Variants in TBC1D5 observed in about 807,000 individuals in gnomAD.
The protein encoded by TBC1D5 is TBC1 domain family, member 5.
TBC1D5 carries 75 observed loss-of-function variants against 100.3 expected under a neutral mutation model. That is an observed-to-expected ratio of 0.75 (90% CI 0.62 to 0.91). The LOEUF is 0.91. Ranked by LOEUF, TBC1D5 falls within the 40% of genes least tolerant of loss-of-function variation. The pLI is 0.00. For synonymous variants in TBC1D5, 323 were observed against 325.6 expected, an observed-to-expected ratio of 0.99 and a Z score of 0.09; for missense variants, 910 against 942.4, an observed-to-expected ratio of 0.97 and a Z score of 0.45.
chr3:17,245,755 T>C (rs1466657358), intron 16 of TBC1D5, among the ~76,000 whole-genome samples: 3 of 152,208 alleles, frequency 2.0e-5, no homozygotes, highest in Non-Finnish European at 4.4e-5. Context: ...GAAACTGAGA[T>C]TTCTATTTTG....
intron 2 of TBC1D5, among the ~76,000 whole-genome samples, chr3:17,567,043 A>G (rs2096598050): frequency 6.6e-6 from 1 of 151,772 alleles, no homozygotes; most frequent in Non-Finnish European, 1.5e-5. Context: ...CTATGCCTAC[A>G]TTTTTACCAA....
intron 4 of TBC1D5, among the ~76,000 whole-genome samples, chr3:17,422,245 T>G (rs936569034): frequency 2.6e-5 from 4 of 152,188 alleles, no homozygotes; most frequent in Non-Finnish European, 5.9e-5. Flanking sequence ...CTTGGCTCAC[T>G]GCAACCTCCG....
chr3:17,554,953 G>A (rs529495737), intron 2 of TBC1D5, among the ~76,000 whole-genome samples: 4 of 151,716 alleles, frequency 2.6e-5, no homozygotes, highest in Admixed American at 1.3e-4. Context: ...AGGTTCAAGC[G>A]ATTCTCCTGC....
At chr3:17,686,158 G>C (rs2070248089) in intron 1 of TBC1D5, among the ~76,000 whole-genome samples, 2 of 152,006 alleles carry the variant, frequency 1.3e-5, no homozygotes, top group Non-Finnish European at 2.9e-5. Flanking sequence ...CTTCAATCTG[G>C]GAAGCTCAAA....
intron 1 of TBC1D5, among the ~76,000 whole-genome samples, chr3:17,701,694 T>G (rs2073228669): frequency 6.6e-6 from 1 of 151,952 alleles, no homozygotes; most frequent in South Asian, 2.1e-4. Context: ...TCGTTGAAAT[T>G]TTTCCAGACT....
chr3:17,722,465 G>A lies in TBC1D5; in HGVS notation c.-101+16878C>T, dbSNP rs35697509. ...CATAAAACAAAGTTCTCACTGTGAT[G>A]CATCACAGGTCAGGTTTGATATTTT... On this transcript the variant is annotated intron_variant, in intron 1 of 21. Coordinates refer to ENST00000253692, the Ensembl canonical transcript of TBC1D5. 3.3e-5 allele frequency among the ~76,000 whole-genome samples: 5 copies of A among 152,102 alleles called. No homozygotes were observed. In the South Asian group the frequency reaches 1.0e-3, roughly 32 times the overall value.
At chr3:17,544,936 G>T (rs1335124096) in intron 2 of TBC1D5, among the ~76,000 whole-genome samples, 1 of 152,030 alleles carries the variant, frequency 6.6e-6, no homozygotes, top group Non-Finnish European at 1.5e-5. Flanking sequence ...ATAGCTATGG[G>T]TCCCTATACT....
intron 16 of TBC1D5, among the ~76,000 whole-genome samples, chr3:17,243,947 G>A (rs911760853): frequency 2.6e-5 from 4 of 152,150 alleles, no homozygotes; most frequent in Admixed American, 2.6e-4. Context: ...TGGTAGAGAA[G>A]CTGAAAACTA....
intron 4 of TBC1D5, among the ~76,000 whole-genome samples, chr3:17,417,639 CCG>C (rs1317675634): frequency 6.6e-6 from 1 of 152,062 alleles, no homozygotes; most frequent in African/African-American, 2.4e-5. Context: ...GTGAATAGTG[CCG>C]CAATAAACAT....
At chr3:17,483,648 C>G (rs1294014440) in intron 3 of TBC1D5, among the ~76,000 whole-genome samples, 3 of 152,006 alleles carry the variant, frequency 2.0e-5, no homozygotes, top group Non-Finnish European at 4.4e-5. Context: ...TAAAAGTGTT[C>G]ACATTTATCA....
At chr3:17,202,013 G>C (rs550271862) in intron 18 of TBC1D5, among the ~76,000 whole-genome samples, 1 of 152,306 alleles carries the variant, frequency 6.6e-6, no homozygotes, top group South Asian at 2.1e-4. Context: ...ACAGTTTGGA[G>C]AGCTCAGAAG....
At chr3:17,517,897 A>T (rs1033191892) in intron 2 of TBC1D5, among the ~76,000 whole-genome samples, 1 of 152,226 alleles carries the variant, frequency 6.6e-6, no homozygotes, top group East Asian at 1.9e-4. Context: ...ATGTATTTCT[A>T]AATTTCATAT....
At chr3:17,158,543 G>A (rs1394441797) in exon 22 of TBC1D5, 1 of 152,200 alleles carries the variant, frequency 6.6e-6, no homozygotes, top group African/African-American at 2.4e-5. Flanking sequence ...GTGGGAATTT[G>A]AGGCTGGTAC....
intron 13 of TBC1D5, among the ~76,000 whole-genome samples, chr3:17,343,974 C>T (rs1032539750): frequency 6.6e-6 from 1 of 151,972 alleles, no homozygotes; most frequent in Non-Finnish European, 1.5e-5. Flanking sequence ...TCCTTCAGTT[C>T]TGCTCTGATT....
chr3:17,207,805 C>T (rs923562885), intron 18 of TBC1D5, among the ~76,000 whole-genome samples: 2 of 152,198 alleles, frequency 1.3e-5, no homozygotes, highest in African/African-American at 4.8e-5. Flanking sequence ...TTTTACTGTA[C>T]TTAGACTGAT....
Position 17,673,336 on chromosome 3 carries a change from G to T in TBC1D5, c.-100-49423C>A, listed in dbSNP as rs187821171. Among the ~76,000 whole-genome samples, 380 of 133,266 alleles carry T rather than the reference G, an allele frequency of 2.9e-3. 12 individuals are homozygous for T. The highest frequency in any genetic ancestry group is 7.3e-4 in the Non-Finnish European group (46 of 63,042). The allele number at this position is 133,266 out of a possible 152,430, so 87.4% of individuals were successfully genotyped here. Reference sequence around the variant, plus strand: ...CTTTTTTTTTTTTTTTTTGAGACAGGGTCTCACCTGTCACTCAGGCTGGAG... The same window carrying T: ...CTTTTTTTTTTTTTTTTTGAGACAGTGTCTCACCTGTCACTCAGGCTGGAG... On this transcript the variant is annotated intron_variant, in intron 1 of 21. Coordinates refer to ENST00000253692, the Ensembl canonical transcript of TBC1D5.
intron 14 of TBC1D5, among the ~76,000 whole-genome samples, chr3:17,292,910 C>A (rs1488803618): frequency 6.6e-6 from 1 of 152,124 alleles, no homozygotes; most frequent in African/African-American, 2.4e-5. Flanking sequence ...AGAAACAACA[C>A]AAATCAAAAA....
At chr3:17,516,952 C>T (rs143088905) in intron 2 of TBC1D5, among the ~76,000 whole-genome samples, 251 of 152,266 alleles carry the variant, frequency 1.6e-3, no homozygotes, top group Middle Eastern at 3.4e-3. Context: ...TCGCACATCC[C>T]CATCTCCTCT....
At chr3:17,292,528 A>T (rs1012626442) in intron 14 of TBC1D5, among the ~76,000 whole-genome samples, 1 of 152,222 alleles carries the variant, frequency 6.6e-6, no homozygotes, top group African/African-American at 2.4e-5. Flanking sequence ...GTAACAAGAG[A>T]TTTAGGGAGA....
Sources: allele counts gnomAD v4.1 joint callset (sites outside exome capture counted in the v4.1 genomes callset), GRCh38; gene constraint gnomAD v4.1.1; transcripts MANE v1.5; gene names NCBI Gene and HGNC (gene_info 2026-07-23, HGNC 2026-07-21).